The following CEACAM20 variants were observed in gnomAD, a reference collection of about 807,000 sequenced individuals.
CEACAM20 encodes CEA cell adhesion molecule 20.
A neutral mutation model predicts 61.2 loss-of-function variants in CEACAM20; 50 were observed. The observed-to-expected ratio is 0.82, with a 90% CI of 0.65 to 1.03. The LOEUF (loss-of-function observed/expected upper bound fraction) is 1.03, where lower values mean the gene tolerates loss of function less well. CEACAM20 is among the 50% of genes least tolerant of loss of function. The pLI is 0.00. For missense variants in CEACAM20, 683 were observed against 736.4 expected (o/e 0.93, Z 0.84); for synonymous variants, 282 against 287.7 (o/e 0.98, Z 0.20).
chr19:44,510,805 G>A (rs938027678), intron 11 of CEACAM20, among the ~76,000 whole-genome samples: 2 of 152,144 alleles, frequency 1.3e-5, no homozygotes, highest in African/African-American at 4.8e-5. Flanking sequence ...GAAAGGAATT[G>A]GGTGGAGTGA....
intron 1 of CEACAM20, among the ~76,000 whole-genome samples, chr19:44,525,949 G>A (rs1048343202): frequency 3.9e-5 from 6 of 152,160 alleles, no homozygotes; most frequent in Non-Finnish European, 7.3e-5. Flanking sequence ...AGAAAAAACC[G>A]ATGCTCAGAG....
At chr19:44,527,427 C>A (rs1971561814) in intron 1 of CEACAM20, among the ~76,000 whole-genome samples, 1 of 152,168 alleles carries the variant, frequency 6.6e-6, no homozygotes, top group South Asian at 2.1e-4. Flanking sequence ...AAGTGATGTT[C>A]CCTATCTGAG....
intron 11 of CEACAM20, among the ~76,000 whole-genome samples, chr19:44,510,576 G>C (rs1383413545): frequency 2.2e-5 from 1 of 46,068 alleles, no homozygotes; most frequent in Non-Finnish European, 3.9e-5. Context: ...AAGAAAGAAA[G>C]AAAGAAAGAA....
rs984873758 is a variant in CEACAM20, at chr19:44,525,149, G to A, written c.148C>T (p.Pro50Ser). 6.8e-6 allele frequency: 11 copies of A among 1,610,596 alleles called. No homozygotes were observed. Among genetic ancestry groups the A allele is most frequent in the African/African-American group, 2.7e-5 (2 of 74,640 alleles). ...GGTGTCCTGGGGGTCCCAAACACAG[G>A]CAGAACAACATCCTCACTTTGGGTG... ...DATQSEDVVL[P>S]VFGTPRTPQI... The change falls in exon 2 of 12, where the codon CCT (proline) becomes TCT (serine). Residue 50 changes from proline to serine, a missense_variant. Coordinates refer to ENST00000614924, the MANE Select transcript of CEACAM20 (RefSeq NM_001102597.3).
chr19:44,523,779 A>G (rs1478800917), intron 3 of CEACAM20, among the ~76,000 whole-genome samples: 2 of 152,100 alleles, frequency 1.3e-5, no homozygotes, highest in Admixed American at 6.6e-5. Flanking sequence ...CTGACATTTC[A>G]TCTCCATCTG....
chr19:44,518,107 G>GAAAGAAAGA (rs1568452831), intron 5 of CEACAM20, among the ~76,000 whole-genome samples: 1 of 40,706 alleles, frequency 2.5e-5, no homozygotes, highest in African/African-American at 1.1e-4. Context: ...AGAAAGAAAG[G>GAAAGAAAGA]AAGGAAGGAA....
chr19:44,513,498 G>GCACTCC, intron 6 of CEACAM20, among the ~76,000 whole-genome samples: 1 of 149,110 alleles, frequency 6.7e-6, no homozygotes, highest in South Asian at 2.2e-4. Flanking sequence ...GACTGGAGTG[G>GCACTCC]AGTGGCGTGA....
intron 6 of CEACAM20, among the ~76,000 whole-genome samples, chr19:44,515,173 A>G (rs1469300284): frequency 3.9e-5 from 6 of 152,054 alleles, no homozygotes; most frequent in Admixed American, 3.9e-4. Context: ...GAGATCTTGT[A>G]TAAAACTACT....
chr19:44,507,623 C>A (rs1600109947), intron 11 of CEACAM20, among the ~76,000 whole-genome samples: 1 of 152,214 alleles, frequency 6.6e-6, no homozygotes, highest in African/African-American at 2.4e-5. Context: ...GGAGTAATTT[C>A]TGAAATTGAG....
rs557857518 is a variant in CEACAM20, at chr19:44,525,218, G to A, written c.79C>T (p.Pro27Ser). 2 of 1,608,312 alleles carry A rather than the reference G, an allele frequency of 1.2e-6. No individual in the cohort carries two copies. Among genetic ancestry groups the A allele is most frequent in the African/African-American group, 1.3e-5 (1 of 74,546 alleles). ...TTGAGGGTGAGCTGGGCTGCAGCTG[G>A]AGGACTCCATACGGTACAAAGCGAG... ...SASLCTVWSP[P>S]AAAQLTLNAN... The change falls in exon 2 of 12, where the codon CCA becomes TCA. Residue 27 changes from proline to serine, a missense_variant. Coordinates refer to ENST00000614924, the MANE Select transcript of CEACAM20 (RefSeq NM_001102597.3).
intron 1 of CEACAM20, among the ~76,000 whole-genome samples, chr19:44,527,685 C>G (rs1428777162): frequency 2.0e-5 from 3 of 152,266 alleles, no homozygotes; most frequent in Admixed American, 1.3e-4. Context: ...CGGCTGATAA[C>G]TCTCAGCCTC....
At chr19:44,518,481 G>A (rs1971260231) in intron 5 of CEACAM20, among the ~76,000 whole-genome samples, 1 of 152,086 alleles carries the variant, frequency 6.6e-6, no homozygotes, top group Non-Finnish European at 1.5e-5. Context: ...GCTCATGCCT[G>A]TAATCCCAGC....
chr19:44,516,722 T>G (rs1971165369), intron 6 of CEACAM20, among the ~76,000 whole-genome samples: 1 of 152,154 alleles, frequency 6.6e-6, no homozygotes, highest in Non-Finnish European at 1.5e-5. Flanking sequence ...AAACTGAAGC[T>G]CAGAACAGCT....
chr19:44,527,623 C>G (rs1024465075), intron 1 of CEACAM20, among the ~76,000 whole-genome samples: 1 of 152,076 alleles, frequency 6.6e-6, no homozygotes. Flanking sequence ...CTCACAGGGT[C>G]CTGCCGTTGT....
Position 44,520,586 on chromosome 19 carries a change from G to C in CEACAM20, c.918C>G (p.Asn306Lys). ...PSEHLQLSADNRTLIIHGLQR... is the reference protein window; with the variant it reads ...PSEHLQLSADKRTLIIHGLQR... ...GGAGGCCATGGATGATTAGGGTCCT[G>C]TTGTCAGCTGACAGCTGCAGGTGCT... Residue 306 changes from asparagine to lysine, a missense_variant, in exon 5 of 12, where the codon AAC becomes AAG. Asn to Lys is a moderately conservative substitution (Grantham distance 94). Transcript: ENST00000614924. 6.2e-7 allele frequency: 1 copy of C among 1,614,034 alleles called. No homozygotes were observed. The highest frequency in any genetic ancestry group is 8.5e-7 in the Non-Finnish European group (1 of 1,179,894).
rs189702528 is a variant in CEACAM20, at chr19:44,529,550, G to A, written c.-41C>T. The A allele has an allele frequency of 4.3e-5, 69 of 1,597,606 alleles. No individual in the cohort carries two copies. The African/African-American group carries it at 6.0e-4, about 14-fold the overall frequency. On this transcript the variant is annotated 5_prime_UTR_variant, in exon 1 of 12. Transcript: ENST00000614924. Reference sequence around the variant, plus strand: ...ACTTCAGTGTGCCAGGCCGTCTGTCGCCCCGGCTTGCACACACAGATACAG... The same window carrying A: ...ACTTCAGTGTGCCAGGCCGTCTGTCACCCCGGCTTGCACACACAGATACAG...
chr19:44,520,443 A>G (rs763708794), intron 5 of CEACAM20, 31 bp downstream of exon 5: 2 of 1,598,614 alleles, frequency 1.3e-6, no homozygotes, highest in Admixed American at 3.4e-5. Context: ...AAGCAGGGAG[A>G]TGGGGAAGGT....
intron 6 of CEACAM20, among the ~76,000 whole-genome samples, chr19:44,514,870 C>T (rs764482276): frequency 3.9e-5 from 6 of 152,008 alleles, no homozygotes; most frequent in Non-Finnish European, 7.4e-5. Context: ...GGCTGGAGTG[C>T]AGTGGCACGA....
chr19:44,506,216 T>A lies in CEACAM20; in HGVS notation c.1738-2A>T. ...GTTGGGCTCTGGATTCACAAGCTCC[T>A]GTTAAACAAAGAGAAAATGTGAGCT... On this transcript the variant is annotated splice_acceptor_variant, in intron 11 of 11. Transcript: ENST00000614924. LOFTEE classifies it high-confidence loss of function. 2 of 1,613,518 alleles carry A rather than the reference T, an allele frequency of 1.2e-6. No individual in the cohort carries two copies. The highest frequency in any genetic ancestry group is 2.2e-5 in the South Asian group (2 of 91,000).
Sources: allele counts gnomAD v4.1 joint callset (sites outside exome capture counted in the v4.1 genomes callset), GRCh38; gene constraint gnomAD v4.1.1; transcripts MANE v1.5; gene names NCBI Gene and HGNC (gene_info 2026-07-23, HGNC 2026-07-21).